XPNPEP3: variants seen among roughly 807,000 people sequenced by gnomAD.
XPNPEP3 encodes X-prolyl aminopeptidase 3.
In XPNPEP3, 41 loss-of-function variants were observed where a neutral mutation model predicts 60.0. The observed-to-expected ratio is 0.68, with a 90% CI of 0.53 to 0.89. XPNPEP3 has a LOEUF of 0.89. Ranked by LOEUF, XPNPEP3 falls within the 40% of genes least tolerant of loss-of-function variation. The pLI, the probability that XPNPEP3 is intolerant of heterozygous loss-of-function variation, is 0.00. For missense variants in XPNPEP3, 598 were observed against 638.9 expected (o/e 0.94, Z 0.69); for synonymous variants, 212 against 223.2 (o/e 0.95, Z 0.45).
chr22:40,926,376 TC>T lies in XPNPEP3; in HGVS notation c.1466del (p.Ser489LeufsTer8). 6.2e-7 allele frequency: 1 copy of T among 1,614,166 alleles called. No individual in the cohort carries two copies. Among genetic ancestry groups the T allele is most frequent in the Non-Finnish European group, 8.5e-7 (1 of 1,180,028 alleles). On this transcript the variant is annotated frameshift_variant, in exon 10 of 10. Coordinates refer to ENST00000357137, the MANE Select transcript of XPNPEP3 (RefSeq NM_022098.4). LOFTEE classifies it high-confidence loss of function. ...VVTQDSPLIL[S>X]ADCPKEMNDI... is the part of the protein sequence containing the mutation. ...GACTCAGGACTCACCTCTCATCCTT[TC>T]TGCAGACTGTCCCAAAGAGATGAAT...
At chr22:40,915,716 G>A (rs1478271038) in intron 7 of XPNPEP3, among the ~76,000 whole-genome samples, 2 of 152,130 alleles carry the variant, frequency 1.3e-5, no homozygotes, top group African/African-American at 4.8e-5. Flanking sequence ...CCAGAAAGAT[G>A]AAGGAAAATC....
At chr22:40,862,414 C>T in intron 1 of XPNPEP3, 6 of 989,100 alleles carry the variant, frequency 6.1e-6, no homozygotes, top group Non-Finnish European at 7.2e-6. Context: ...GCCTTAATTG[C>T]TTCCCAGCTC....
intron 8 of XPNPEP3, 64 bp downstream of exon 8, chr22:40,922,577 A>C: frequency 6.4e-7 from 1 of 1,565,474 alleles, no homozygotes; most frequent in Non-Finnish European, 8.8e-7. Context: ...TTTTTACCCT[A>C]TATAAAGCTA....
chr22:40,865,325 C>CT lies in XPNPEP3; in HGVS notation c.65-3654dup, dbSNP rs11365518. Reference sequence around the variant, plus strand: ...CTTGCCACACTGTGAGCCCTCCTCACTTTTTTTTTTTTTTTTTTTTGAGAT... The same window carrying CT: ...CTTGCCACACTGTGAGCCCTCCTCACTTTTTTTTTTTTTTTTTTTTTGAGAT... On this transcript the variant is annotated intron_variant, in intron 1 of 9. Transcript: ENST00000357137. Among the ~76,000 whole-genome samples the CT allele has an allele frequency of 5.6e-3, 629 of 112,618 alleles. 12 individuals are homozygous for CT. Among genetic ancestry groups the CT allele is most frequent in the Middle Eastern group, 0.014 (3 of 222 alleles). The allele number at this position is 112,618 out of a possible 152,430, so 73.9% of individuals were successfully genotyped here.
intron 1 of XPNPEP3, among the ~76,000 whole-genome samples, chr22:40,864,809 C>T (rs918550953): frequency 1.3e-5 from 2 of 152,142 alleles, no homozygotes; most frequent in Non-Finnish European, 2.9e-5. Flanking sequence ...GCATTTTGTG[C>T]TGACTTCCTA....
At chr22:40,905,365 C>T (rs2058150727) in intron 4 of XPNPEP3, among the ~76,000 whole-genome samples, 1 of 152,178 alleles carries the variant, frequency 6.6e-6, no homozygotes, top group African/African-American at 2.4e-5. Flanking sequence ...AGGCATGAGC[C>T]ACCACACCCG....
chr22:40,886,944 C>T (rs1438727697), intron 4 of XPNPEP3, among the ~76,000 whole-genome samples: 2 of 152,024 alleles, frequency 1.3e-5, no homozygotes, highest in Non-Finnish European at 2.9e-5. Context: ...TGGCATCTAG[C>T]TTCTGCTCCA....
chr22:40,913,575 G>A (rs544863598), intron 6 of XPNPEP3, among the ~76,000 whole-genome samples: 6 of 151,852 alleles, frequency 4.0e-5, no homozygotes, highest in Admixed American at 3.9e-4. Flanking sequence ...ATAAAGCAAA[G>A]GCATATGGGT....
At chr22:40,861,495 C>G (rs2057946493) in intron 1 of XPNPEP3, 3 of 1,614,026 alleles carry the variant, frequency 1.9e-6, no homozygotes, top group South Asian at 2.2e-5. Flanking sequence ...AGAAGTAAGG[C>G]CTTCATGCCC....
intron 4 of XPNPEP3, among the ~76,000 whole-genome samples, chr22:40,899,329 A>G (rs1411115183): frequency 2.0e-5 from 3 of 152,196 alleles, no homozygotes; most frequent in Non-Finnish European, 4.4e-5. Context: ...CACTGAAGGC[A>G]CTAACCAAAC....
At chr22:40,870,898 A>G (rs980069887) in intron 2 of XPNPEP3, among the ~76,000 whole-genome samples, 104 of 152,002 alleles carry the variant, frequency 6.8e-4, no homozygotes, top group African/African-American at 2.5e-3. Flanking sequence ...GTGTGGTGGC[A>G]TATGCCTATA....
intron 1 of XPNPEP3, chr22:40,862,179 A>C: frequency 1.4e-6 from 2 of 1,401,786 alleles, no homozygotes; most frequent in Non-Finnish European, 1.9e-6. Flanking sequence ...CAGAGTTACA[A>C]ATATGTCAGA....
In XPNPEP3 at chr22:40,926,107, G is replaced by C. The variant is rs571728684; in HGVS notation, c.1358-162G>C. On this transcript the variant is annotated intron_variant, in intron 9 of 9. Coordinates refer to ENST00000357137, the MANE Select transcript of XPNPEP3 (RefSeq NM_022098.4). ...TTGACCATTATATGCCAGCCACTTT[G>C]ACATGTATTATCTCATTTAATCCTC... Among the ~76,000 whole-genome samples the C allele has an allele frequency of 4.6e-5, 7 of 152,196 alleles. No individual in the cohort carries two copies. The East Asian group carries it at 1.3e-3, about 29-fold the overall frequency.
intron 2 of XPNPEP3, among the ~76,000 whole-genome samples, chr22:40,873,743 G>A (rs2058017080): frequency 6.6e-6 from 1 of 152,106 alleles, no homozygotes; most frequent in Non-Finnish European, 1.5e-5. Flanking sequence ...GCTGCAGTCA[G>A]CTGAGATTGT....
At chr22:40,883,926 T>C (rs1216147140) in intron 3 of XPNPEP3, among the ~76,000 whole-genome samples, 1 of 152,194 alleles carries the variant, frequency 6.6e-6, no homozygotes, top group Admixed American at 6.5e-5. Flanking sequence ...TTATAAAGTT[T>C]TTGTTTGATT....
rs545700156 is a variant in XPNPEP3, at chr22:40,914,282, G to C, written c.1013G>C (p.Cys338Ser). The C allele has an allele frequency of 1.2e-6, 2 of 1,614,102 alleles. No individual in the cohort carries two copies. Among genetic ancestry groups the C allele is most frequent in the South Asian group, 2.2e-5 (2 of 91,090 alleles). ...CTGGATGGAGGTTGTGAGTCTTCCT[G>C]CTATGTGAGTGACATCACACGTACG... is the stretch of plus-strand genomic sequence containing the variant. ...VLLDGGCESS[C>S]YVSDITRTWP... The change falls in exon 7 of 10, where the codon TGC becomes TCC. Residue 338 changes from cysteine to serine, a missense_variant. Cys to Ser is a moderately radical substitution (Grantham distance 112). Coordinates refer to ENST00000357137, the MANE Select transcript of XPNPEP3 (RefSeq NM_022098.4).
chr22:40,922,069 T>C (rs1346982373), intron 7 of XPNPEP3, among the ~76,000 whole-genome samples: 1 of 152,056 alleles, frequency 6.6e-6, no homozygotes, highest in African/African-American at 2.4e-5. Context: ...GGCTCAGTGC[T>C]TCTTTTGGCC....
intron 2 of XPNPEP3, among the ~76,000 whole-genome samples, chr22:40,873,465 G>C (rs1178905541): frequency 6.6e-6 from 1 of 152,040 alleles, no homozygotes; most frequent in Non-Finnish European, 1.5e-5. Context: ...GAATGCAACT[G>C]TGTGGCATGA....
intron 4 of XPNPEP3, among the ~76,000 whole-genome samples, chr22:40,906,420 CA>C (rs11440795): frequency 0.014 from 1,510 of 104,890 alleles, 7 homozygotes; most frequent in Non-Finnish European, 0.018. Context: ...GACTCTGTCT[CA>C]AAAAAAAAAA....
Sources: gnomAD v4.1 joint callset for allele counts (sites outside exome capture counted in the v4.1 genomes callset) on GRCh38, gnomAD v4.1.1 for gene constraint, MANE v1.5 for transcripts, NCBI Gene and HGNC (gene_info 2026-07-23, HGNC 2026-07-21) for gene names.